The following M1AP variants were observed in gnomAD, a reference collection of about 807,000 sequenced individuals.
The protein encoded by M1AP is meiosis 1 associated protein.
A neutral mutation model predicts 51.2 loss-of-function variants in M1AP; 39 were observed. The observed-to-expected ratio is 0.76, with a 90% CI of 0.59 to 1.00. The LOEUF is 1.00. Among genes scored for constraint, M1AP ranks in the 50% least tolerant of loss-of-function variants. The pLI is 0.00. For missense variants in M1AP, 545 were observed against 641.2 expected (o/e 0.85, Z 1.62); for synonymous variants, 251 against 249.2 (o/e 1.01, Z -0.07).
rs1379582456 is a variant in M1AP at position 74,648,274 on chromosome 2, GA to G, written c.-63del. 1.0e-6 allele frequency: 1 copy of G among 985,270 alleles called. No homozygotes were observed. The highest frequency in any genetic ancestry group is 1.2e-6 in the Non-Finnish European group (1 of 829,880). 61.0% of individuals were successfully genotyped at this position (985,270 alleles called of 1,614,324 possible). A position where few individuals can be genotyped will look rare whatever the true frequency, so the allele number is the denominator to read the frequency against. On this transcript the variant is annotated 5_prime_UTR_variant, in exon 1 of 11. Coordinates refer to ENST00000421985, the MANE Select transcript of M1AP (RefSeq NM_001321739.2). ...GCGTGGAGAACCGTACCTGTCTTCG[GA>G]AGACGGAGGCCCCCTCACCTGGTCC...
intron 4 of M1AP, 134 bp from the exon 5 acceptor site, chr2:74,581,981 T>C (rs1679434807): frequency 1.4e-6 from 1 of 721,000 alleles, no homozygotes; most frequent in Non-Finnish European, 2.2e-6. Flanking sequence ...ACAGTGGCTA[T>C]TCACATGCAC....
intron 4 of M1AP, among the ~76,000 whole-genome samples, chr2:74,602,168 TCA>T (rs1201470530): frequency 6.6e-6 from 1 of 152,192 alleles, no homozygotes; most frequent in East Asian, 1.9e-4. Flanking sequence ...TTAGCCGATG[TCA>T]CAGAGGTTGA....
Position 74,560,310 on chromosome 2 carries a change from G to A in M1AP, c.1282-19C>T. 6.4e-7 allele frequency: 1 copy of A among 1,569,918 alleles called. No individual in the cohort carries two copies. On this transcript the variant is annotated intron_variant, in intron 8 of 10. Coordinates refer to ENST00000421985, the MANE Select transcript of M1AP (RefSeq NM_001321739.2). ...GCATGCTCTGAGGAAAAGAGAGGAG[G>A]GGCCTCACTAGGGAACTTAAGATCA...
At chr2:74,646,291 G>T (rs1236394265) in intron 1 of M1AP, among the ~76,000 whole-genome samples, 3 of 152,158 alleles carry the variant, frequency 2.0e-5, no homozygotes, top group African/African-American at 2.4e-5. Context: ...GAGCAGCAAA[G>T]AAATAAAAAA....
In M1AP at chr2:74,558,224, C is replaced by G. The variant is rs1315662264; in HGVS notation, c.*492G>C. The G allele has an allele frequency of 6.3e-6, 1 of 159,918 alleles. No homozygotes were observed. The highest frequency in any genetic ancestry group is 1.4e-5 in the Non-Finnish European group (1 of 73,568). The allele number at this position is 159,918 out of a possible 1,614,324, so 9.9% of individuals were successfully genotyped here. The stretch of plus-strand genomic sequence containing the variant: ...TTGCATGTAGGTACCAAGCACTTGT[C>G]TCTTTGGAGGCTGAAGCCTGGTGGT... On this transcript the variant is annotated 3_prime_UTR_variant, in exon 11 of 11. Coordinates refer to ENST00000421985, the MANE Select transcript of M1AP (RefSeq NM_001321739.2).
intron 2 of M1AP, among the ~76,000 whole-genome samples, chr2:74,636,036 A>C (rs1682971995): frequency 6.6e-6 from 1 of 152,050 alleles, no homozygotes; most frequent in Non-Finnish European, 1.5e-5. Flanking sequence ...TTGATGTTCT[A>C]TAATTGTTGA....
chr2:74,616,931 TTTTA>T (rs1316586619), intron 2 of M1AP, among the ~76,000 whole-genome samples: 1 of 152,232 alleles, frequency 6.6e-6, no homozygotes, highest in Non-Finnish European at 1.5e-5. Flanking sequence ...TTTATTCCTA[TTTTA>T]TTTATTTGGT....
intron 2 of M1AP, among the ~76,000 whole-genome samples, chr2:74,626,418 A>AT (rs1682397005): frequency 6.6e-6 from 1 of 151,702 alleles, no homozygotes; most frequent in Non-Finnish European, 1.5e-5. Flanking sequence ...TGTCTGGCTA[A>AT]TTTTTTATTT....
At chr2:74,639,179 A>G (rs542493545) in intron 2 of M1AP, among the ~76,000 whole-genome samples, 40 of 152,364 alleles carry the variant, frequency 2.6e-4, no homozygotes, top group African/African-American at 8.9e-4. Flanking sequence ...TATAGTATCA[A>G]CAGAGATGTT....
chr2:74,568,477 G>C lies in M1AP; in HGVS notation c.1075-6054C>G, dbSNP rs938524501. The stretch of plus-strand genomic sequence containing the variant: ...ACCCTGGGAGTATATGTTGATTCTG[G>C]GACAGAGGGCATGGTGGTAGTGGTG... On this transcript the variant is annotated intron_variant, in intron 7 of 10. Coordinates refer to ENST00000421985, the MANE Select transcript of M1AP (RefSeq NM_001321739.2). Among the ~76,000 whole-genome samples the C allele has an allele frequency of 2.0e-5, 3 of 152,114 alleles. No homozygotes were observed. The South Asian group carries it at 6.2e-4, about 32-fold the overall frequency.
chr2:74,627,021 C>T (rs1471945723), intron 2 of M1AP, among the ~76,000 whole-genome samples: 2 of 152,132 alleles, frequency 1.3e-5, no homozygotes, highest in Non-Finnish European at 2.9e-5. Context: ...TTGGGAATTG[C>T]ATTACATTTG....
rs944490901 is a variant in M1AP, at chr2:74,560,437, CT to C, written c.1282-147del. On this transcript the variant is annotated intron_variant, in intron 8 of 10. Transcript: ENST00000421985. Reference sequence around the variant, plus strand: ...AGGCTGTGAAATAGATGCTGTCCCCCTGGGTGTTCTGGCCTGAGGTCCAGTG... The same window carrying C: ...AGGCTGTGAAATAGATGCTGTCCCCCGGGTGTTCTGGCCTGAGGTCCAGTG... 5.0e-6 allele frequency: 4 copies of C among 800,086 alleles called. No individual in the cohort carries two copies. In the Admixed American group the frequency reaches 9.7e-5, roughly 19 times the overall value. The allele number at this position is 800,086 out of a possible 1,614,324, so 49.6% of individuals were successfully genotyped here. A position where few individuals can be genotyped will look rare whatever the true frequency, so the allele number is the denominator to read the frequency against.
intron 4 of M1AP, among the ~76,000 whole-genome samples, chr2:74,595,964 AG>A (rs1680309397): frequency 6.6e-6 from 1 of 152,252 alleles, no homozygotes; most frequent in South Asian, 2.1e-4. Flanking sequence ...TAGAGAAACC[AG>A]AAAAAATGCA....
At chr2:74,647,676 G>A (rs1254847743) in intron 1 of M1AP, among the ~76,000 whole-genome samples, 1 of 152,128 alleles carries the variant, frequency 6.6e-6, no homozygotes, top group Non-Finnish European at 1.5e-5. Flanking sequence ...GGCGGATCAC[G>A]AGGTCAGGAG....
intron 4 of M1AP, among the ~76,000 whole-genome samples, chr2:74,585,372 C>T (rs1038083004): frequency 3.3e-5 from 5 of 152,174 alleles, no homozygotes; most frequent in African/African-American, 1.2e-4. Flanking sequence ...AACATTCTGG[C>T]TTATCCTTTA....
At chr2:74,562,905 G>A (rs1488037913) in intron 7 of M1AP, among the ~76,000 whole-genome samples, 1 of 152,106 alleles carries the variant, frequency 6.6e-6, no homozygotes, top group Admixed American at 6.5e-5. Flanking sequence ...GACAGAGTGA[G>A]ACCCTCTCTG....
chr2:74,579,676 C>T (rs1679289131), intron 5 of M1AP, among the ~76,000 whole-genome samples: 1 of 151,952 alleles, frequency 6.6e-6, no homozygotes, highest in African/African-American at 2.4e-5. Flanking sequence ...CACTCTAAGT[C>T]CTTACTTACT....
rs557883633 is a variant in M1AP, at chr2:74,619,923, C to T, written c.241-4774G>A. Reference sequence around the variant, plus strand: ...AGACACCCAGGCAACAAGCTCTCAACCTCACAATGTAAAAAGGTTGTGACC... The same window carrying T: ...AGACACCCAGGCAACAAGCTCTCAATCTCACAATGTAAAAAGGTTGTGACC... On this transcript the variant is annotated intron_variant, in intron 2 of 10. Transcript: ENST00000421985. 2.8e-4 allele frequency among the ~76,000 whole-genome samples: 43 copies of T among 152,330 alleles called. No individual in the cohort carries two copies. The South Asian group carries it at 5.4e-3, about 19-fold the overall frequency.
At chr2:74,647,257 G>A (rs2104872728) in intron 1 of M1AP, 1 of 985,162 alleles carries the variant, frequency 1.0e-6, no homozygotes, top group Non-Finnish European at 1.2e-6. Context: ...TCCCCTGCCC[G>A]CACCCCGGGA....
Sources: allele counts gnomAD v4.1 joint callset (sites outside exome capture counted in the v4.1 genomes callset), GRCh38; gene constraint gnomAD v4.1.1; transcripts MANE v1.5; gene names NCBI Gene and HGNC (gene_info 2026-07-23, HGNC 2026-07-21).